The following KCNN2 variants were observed in gnomAD, a reference collection of about 807,000 sequenced individuals.
KCNN2 encodes the protein small conductance calcium-activated potassium channel protein 2.
A neutral mutation model predicts 55.5 loss-of-function variants in KCNN2; 24 were observed. The observed-to-expected ratio is 0.43, with a 90% CI of 0.31 to 0.61. The LOEUF (loss-of-function observed/expected upper bound fraction) is 0.61, where lower values mean the gene tolerates loss of function less well. Among genes scored for constraint, KCNN2 ranks in the 20% least tolerant of loss-of-function variants. The pLI, the probability that KCNN2 is intolerant of heterozygous loss-of-function variation, is 0.08. For synonymous variants in KCNN2, 431 were observed against 336.1 expected, an observed-to-expected ratio of 1.28 and a Z score of -3.09; for missense variants, 754 against 853.6, an observed-to-expected ratio of 0.88 and a Z score of 1.45.
chr5:114,484,701 T>C (rs953176304), intron 5 of KCNN2, among the ~76,000 whole-genome samples: 8 of 152,112 alleles, frequency 5.3e-5, no homozygotes, highest in East Asian at 1.9e-4. Flanking sequence ...CTGGGACATA[T>C]TGTTTTGTGG....
intron 1 of KCNN2, among the ~76,000 whole-genome samples, chr5:114,185,227 A>T (rs1753308170): frequency 2.0e-5 from 3 of 152,332 alleles, no homozygotes; most frequent in African/African-American, 2.4e-5. Flanking sequence ...ATCTAGATGT[A>T]TATGTTTTAC....
intron 1 of KCNN2, among the ~76,000 whole-genome samples, chr5:114,176,383 A>G (rs925525730): frequency 6.6e-6 from 1 of 152,152 alleles, no homozygotes; most frequent in African/African-American, 2.4e-5. Context: ...TCTGTTATTC[A>G]TGTCAAATTC....
At chr5:114,412,773 ATGTTAC>A (rs1759176665) in intron 3 of KCNN2, among the ~76,000 whole-genome samples, 1 of 152,220 alleles carries the variant, frequency 6.6e-6, no homozygotes, top group Non-Finnish European at 1.5e-5. Flanking sequence ...AATTTGAAAC[ATGTTAC>A]TTGGGATCAA....
intron 5 of KCNN2, chr5:114,486,708 A>G: frequency 3.9e-6 from 5 of 1,286,598 alleles, no homozygotes; most frequent in Non-Finnish European, 5.1e-6. Flanking sequence ...GGAAAGGAAG[A>G]TCATGGAGAC....
At chr5:114,416,322 A>G (rs558119774) in intron 3 of KCNN2, among the ~76,000 whole-genome samples, 97 of 152,304 alleles carry the variant, frequency 6.4e-4, no homozygotes, top group Non-Finnish European at 1.0e-3. Flanking sequence ...TTCATGACCA[A>G]AAGCAAACAT....
intron 2 of KCNN2, among the ~76,000 whole-genome samples, chr5:114,313,426 A>T (rs983954750): frequency 9.2e-5 from 14 of 152,306 alleles, no homozygotes; most frequent in African/African-American, 2.9e-4. Flanking sequence ...AAAGCCAGCA[A>T]CTAAAATAAG....
intron 2 of KCNN2, among the ~76,000 whole-genome samples, chr5:114,293,303 A>G (rs1190066891): frequency 6.6e-6 from 1 of 152,110 alleles, no homozygotes; most frequent in Non-Finnish European, 1.5e-5. Context: ...GTTTTTGCCC[A>G]TTCAGTATGA....
intron 1 of KCNN2, among the ~76,000 whole-genome samples, chr5:114,109,835 G>A (rs1293653400): frequency 6.6e-6 from 1 of 152,054 alleles, no homozygotes; most frequent in Non-Finnish European, 1.5e-5. Flanking sequence ...GGGATTTTCT[G>A]GTAGTGTTCC....
intron 5 of KCNN2, among the ~76,000 whole-genome samples, chr5:114,484,990 G>A (rs1181741988): frequency 6.6e-6 from 1 of 152,168 alleles, no homozygotes; most frequent in Non-Finnish European, 1.5e-5. Context: ...TTAAGATTCT[G>A]TATTCCCCTT....
chr5:114,463,013 A>G (rs1031163125), intron 3 of KCNN2, 36 bp from the exon 4 acceptor site: 8 of 1,594,762 alleles, frequency 5.0e-6, no homozygotes, highest in Admixed American at 1.7e-5. Context: ...ATTGGAGATT[A>G]ATTATAAAGG....
chr5:114,406,665 A>G (rs1011136788), intron 3 of KCNN2, among the ~76,000 whole-genome samples: 3 of 152,082 alleles, frequency 2.0e-5, no homozygotes, highest in African/African-American at 7.2e-5. Context: ...CAAATATATT[A>G]AGCAATTCAT....
At chr5:114,393,967 A>G (rs1198648208) in intron 2 of KCNN2, among the ~76,000 whole-genome samples, 1 of 110,974 alleles carries the variant, frequency 9.0e-6, no homozygotes, top group Non-Finnish European at 1.9e-5. Flanking sequence ...TGCTGCAACA[A>G]ATAATCATGT....
chr5:114,357,903 TA>T (rs1757328501), upstream of KCNN2, among the ~76,000 whole-genome samples: 1 of 151,370 alleles, frequency 6.6e-6, no homozygotes, highest in African/African-American at 2.4e-5. Context: ...TGAACTAGTT[TA>T]CAGTCCCACC....
intron 1 of KCNN2, among the ~76,000 whole-genome samples, chr5:114,075,782 G>C (rs1285287607): frequency 6.6e-6 from 1 of 152,102 alleles, no homozygotes. Flanking sequence ...TGCACGCTGG[G>C]GCTTGTCTTT....
intron 1 of KCNN2, among the ~76,000 whole-genome samples, chr5:114,180,569 TTATC>T (rs1753218721): frequency 6.6e-6 from 1 of 152,176 alleles, no homozygotes; most frequent in Non-Finnish European, 1.5e-5. Flanking sequence ...ATACTTTTTA[TTATC>T]TATTATTATA....
intron 1 of KCNN2, among the ~76,000 whole-genome samples, chr5:114,098,535 C>T (rs1751309253): frequency 6.6e-6 from 1 of 152,058 alleles, no homozygotes; most frequent in African/African-American, 2.4e-5. Flanking sequence ...GGGTTGCAAG[C>T]TCCAGCTAAT....
intron 2 of KCNN2, among the ~76,000 whole-genome samples, chr5:114,223,931 G>A (rs1037417946): frequency 2.0e-5 from 3 of 152,136 alleles, no homozygotes; most frequent in Non-Finnish European, 1.5e-5. Context: ...TGGTTCTATG[G>A]TTGTTGAAAA....
At chr5:114,385,255 T>G (rs1247493812) in intron 2 of KCNN2, among the ~76,000 whole-genome samples, 1 of 152,024 alleles carries the variant, frequency 6.6e-6, no homozygotes, top group Non-Finnish European at 1.5e-5. Flanking sequence ...TCTCTTTCTC[T>G]CCCTTTCTCT....
At chr5:114,416,350 C>G (rs1191065551) in intron 3 of KCNN2, among the ~76,000 whole-genome samples, 1 of 151,990 alleles carries the variant, frequency 6.6e-6, no homozygotes, top group African/African-American at 2.4e-5. Flanking sequence ...GTGTCTGACC[C>G]CGTTTTAGGG....
Sources: gnomAD v4.1 joint callset for allele counts (sites outside exome capture counted in the v4.1 genomes callset) on GRCh38, gnomAD v4.1.1 for gene constraint, MANE v1.5 for transcripts, NCBI Gene and HGNC (gene_info 2026-07-23, HGNC 2026-07-21) for gene names.